The following TRPM3 variants were observed in gnomAD, a reference collection of about 807,000 sequenced individuals.
TRPM3 encodes long transient receptor potential channel 3.
TRPM3 carries 77 observed loss-of-function variants against 181.2 expected under a neutral mutation model. The observed-to-expected ratio is 0.42, with a 90% confidence interval of 0.35 to 0.51. The LOEUF (loss-of-function observed/expected upper bound fraction) is 0.51, where lower values mean the gene tolerates loss of function less well. TRPM3 is among the 20% of genes least tolerant of loss of function. The pLI, the probability that TRPM3 is intolerant of heterozygous loss-of-function variation, is 0.01. For missense variants in TRPM3, 1,759 were observed against 2,196.7 expected, an observed-to-expected ratio of 0.80 and a Z score of 3.98; for synonymous variants, 745 against 796.4, an observed-to-expected ratio of 0.94 and a Z score of 1.09.
chr9:70,671,335 G>C (rs757831786), intron 9 of TRPM3, among the ~76,000 whole-genome samples: 9 of 152,152 alleles, frequency 5.9e-5, no homozygotes, highest in Non-Finnish European at 7.3e-5. Flanking sequence ...TGCAGGGACT[G>C]TGGGTAGGAG....
intron 1 of TRPM3, among the ~76,000 whole-genome samples, chr9:71,155,172 G>C (rs1019830714): frequency 6.6e-6 from 1 of 152,100 alleles, no homozygotes; most frequent in African/African-American, 2.4e-5. Flanking sequence ...AATGATACAT[G>C]TAGACTTTGT....
chr9:70,960,940 TG>T (rs1231694424), intron 1 of TRPM3, among the ~76,000 whole-genome samples: 1 of 152,190 alleles, frequency 6.6e-6, no homozygotes, highest in Admixed American at 6.6e-5. Flanking sequence ...TTCCTTAATA[TG>T]GGGTTAACAG....
intron 1 of TRPM3, among the ~76,000 whole-genome samples, chr9:71,200,295 A>G (rs1182418594): frequency 1.3e-5 from 2 of 151,718 alleles, no homozygotes; most frequent in South Asian, 2.1e-4. Flanking sequence ...ATTTCCAACT[A>G]TGTGGTCAAT....
intron 1 of TRPM3, among the ~76,000 whole-genome samples, chr9:71,180,188 G>T (rs1422003621): frequency 1.3e-5 from 2 of 151,282 alleles, no homozygotes; most frequent in Admixed American, 6.6e-5. Flanking sequence ...CTGAGTAGCT[G>T]GGATTACAGA....
chr9:71,024,638 C>T (rs753755232), intron 1 of TRPM3, among the ~76,000 whole-genome samples: 1 of 152,204 alleles, frequency 6.6e-6, no homozygotes, highest in African/African-American at 2.4e-5. Context: ...TGCCTCAGGT[C>T]TTCCTAATAC....
intron 22 of TRPM3, among the ~76,000 whole-genome samples, chr9:70,590,591 T>C (rs2057948632): frequency 6.6e-6 from 1 of 152,212 alleles, no homozygotes; most frequent in African/African-American, 2.4e-5. Flanking sequence ...TACTCTTGAA[T>C]TCTGATGGTG....
At chr9:71,243,858 G>A (rs957679552) in intron 1 of TRPM3, among the ~76,000 whole-genome samples, 4 of 152,114 alleles carry the variant, frequency 2.6e-5, no homozygotes, top group African/African-American at 9.7e-5. Context: ...TATAAAATAC[G>A]TACTCTAAAA....
intron 1 of TRPM3, among the ~76,000 whole-genome samples, chr9:71,008,816 G>A (rs956860673): frequency 5.3e-5 from 8 of 152,242 alleles, no homozygotes; most frequent in East Asian, 1.9e-4. Flanking sequence ...CTGAACTCCC[G>A]CCTAGGCGAC....
intron 9 of TRPM3, among the ~76,000 whole-genome samples, chr9:70,654,713 C>G (rs1231747833): frequency 6.8e-6 from 1 of 148,090 alleles, no homozygotes; most frequent in Non-Finnish European, 1.5e-5. Context: ...GGTGGAGTCT[C>G]GCTCTGTCAC....
At chr9:71,196,872 T>C (rs1425937670) in intron 1 of TRPM3, among the ~76,000 whole-genome samples, 1 of 151,716 alleles carries the variant, frequency 6.6e-6, no homozygotes, top group Non-Finnish European at 1.5e-5. Context: ...TTTCTTTTTA[T>C]TTTATTATTA....
chr9:70,808,995 A>G (rs2091302116), intron 6 of TRPM3, among the ~76,000 whole-genome samples: 1 of 152,174 alleles, frequency 6.6e-6, no homozygotes, highest in Non-Finnish European at 1.5e-5. Flanking sequence ...AAGTCCTATC[A>G]CCTAGTGACA....
At chr9:70,750,509 A>C (rs2075949416) in intron 8 of TRPM3, among the ~76,000 whole-genome samples, 1 of 152,202 alleles carries the variant, frequency 6.6e-6, no homozygotes, top group Admixed American at 6.5e-5. Flanking sequence ...GAGGACAGAC[A>C]ACAAGGTTTC....
chr9:71,414,672 T>G (rs1250115623), intron 1 of TRPM3, among the ~76,000 whole-genome samples: 1 of 152,108 alleles, frequency 6.6e-6, no homozygotes, highest in Non-Finnish European at 1.5e-5. Flanking sequence ...ATAGATCTTG[T>G]GTTCAAAATC....
Position 71,346,943 on chromosome 9 carries a change from G to A in TRPM3, c.183+99710C>T, listed in dbSNP as rs543788406. Among the ~76,000 whole-genome samples the A allele has an allele frequency of 9.9e-5, 15 of 152,258 alleles. No individual in the cohort carries two copies. The East Asian group carries it at 2.7e-3, about 27-fold the overall frequency. ...CATTGCTCTCACCACTTAGAAATGT[G>A]GCACAAACTATGAGTGAACTCTGAT... On this transcript the variant is annotated intron_variant, in intron 1 of 24. Transcript: ENST00000357533.
chr9:70,805,723 A>G (rs2090544356), intron 6 of TRPM3, among the ~76,000 whole-genome samples: 1 of 152,184 alleles, frequency 6.6e-6, no homozygotes, highest in Non-Finnish European at 1.5e-5. Context: ...GAAAAAAATA[A>G]ACAAAAGAAA....
intron 1 of TRPM3, among the ~76,000 whole-genome samples, chr9:71,398,517 A>C (rs2093255557): frequency 1.3e-5 from 2 of 152,124 alleles, no homozygotes; most frequent in South Asian, 2.1e-4. Flanking sequence ...TGGTGTCCTC[A>C]TGAGAGTGAA....
chr9:71,147,529 A>G (rs1423547992), intron 1 of TRPM3, among the ~76,000 whole-genome samples: 81 of 152,050 alleles, frequency 5.3e-4, no homozygotes, highest in Admixed American at 5.3e-3. Flanking sequence ...GCTCTTCCTT[A>G]TAAGGGAACT....
intron 6 of TRPM3, among the ~76,000 whole-genome samples, chr9:70,791,248 A>G (rs1380914370): frequency 1.3e-5 from 2 of 152,168 alleles, no homozygotes; most frequent in Non-Finnish European, 1.5e-5. Flanking sequence ...TTTTTTTGCC[A>G]TTATAATCTT....
intron 1 of TRPM3, among the ~76,000 whole-genome samples, chr9:70,984,607 A>G (rs2097400693): frequency 6.6e-6 from 1 of 152,216 alleles, no homozygotes; most frequent in Non-Finnish European, 1.5e-5. Context: ...ATTCTCAAGG[A>G]TTATGCACAA....
Sources: gnomAD v4.1 joint callset for allele counts (sites outside exome capture counted in the v4.1 genomes callset) on GRCh38, gnomAD v4.1.1 for gene constraint, MANE v1.5 for transcripts, NCBI Gene and HGNC (gene_info 2026-07-23, HGNC 2026-07-21) for gene names.